Variants in IL1RAPL1 observed in about 807,000 individuals in gnomAD.
IL1RAPL1 encodes interleukin-1 receptor accessory protein-like 1.
In IL1RAPL1, 3 loss-of-function variants were observed where a neutral mutation model predicts 48.4. The observed-to-expected ratio is 0.06, with a 90% CI of 0.03 to 0.16. IL1RAPL1 has a LOEUF of 0.16. IL1RAPL1 is among the 10% of genes least tolerant of loss of function. The pLI, the probability that IL1RAPL1 is intolerant of heterozygous loss-of-function variation, is 1.00. For synonymous variants in IL1RAPL1, 185 were observed against 187.7 expected (o/e 0.99, Z 0.12); for missense variants, 349 against 530.6 (o/e 0.66, Z 3.36).
chrX:29,723,721 G>T (rs1486585579), intron 6 of IL1RAPL1, among the ~76,000 whole-genome samples: 1 of 112,455 alleles, frequency 8.9e-6, no homozygotes, highest in African/African-American at 3.2e-5. Flanking sequence ...CTTCCAACAA[G>T]TGGTAAGTAA....
At chrX:29,947,228 C>CT (rs1273785496) in intron 9 of IL1RAPL1, among the ~76,000 whole-genome samples, 2 of 111,842 alleles carry the variant, frequency 1.8e-5, no homozygotes, top group East Asian at 5.6e-4. Context: ...TGTTAGACTC[C>CT]TTTGCTCCTC....
chrX:29,265,606 T>A, intron 2 of IL1RAPL1, among the ~76,000 whole-genome samples: 1 of 92,383 alleles, frequency 1.1e-5, no homozygotes, highest in Non-Finnish European at 2.2e-5. Flanking sequence ...TATCTCCTAA[T>A]GCTATCCCTC....
intron 3 of IL1RAPL1, among the ~76,000 whole-genome samples, chrX:29,288,380 A>G (rs1364619663): frequency 9.0e-6 from 1 of 111,048 alleles, no homozygotes; most frequent in African/African-American, 3.3e-5. Context: ...CTCATCGTTC[A>G]GTTCCTACTT....
intron 2 of IL1RAPL1, among the ~76,000 whole-genome samples, chrX:29,248,600 C>G (rs185498246): frequency 1.8e-5 from 2 of 111,689 alleles, no homozygotes; most frequent in East Asian, 5.6e-4. Flanking sequence ...ATATATTCAA[C>G]CTCATTTGTA....
chrX:29,421,808 C>T (rs1194782380), intron 5 of IL1RAPL1, among the ~76,000 whole-genome samples: 1 of 111,674 alleles, frequency 9.0e-6, no homozygotes, highest in Non-Finnish European at 1.9e-5. Flanking sequence ...AGTCTGAATT[C>T]GAGTGGTGTG....
intron 2 of IL1RAPL1, among the ~76,000 whole-genome samples, chrX:29,273,266 C>T (rs888283756): frequency 8.0e-5 from 9 of 111,825 alleles, no homozygotes; most frequent in Admixed American, 1.9e-4. Context: ...TGTGGGTTGA[C>T]GTTCCTTCAG....
intron 5 of IL1RAPL1, among the ~76,000 whole-genome samples, chrX:29,412,780 C>G (rs1934161027): frequency 8.9e-6 from 1 of 111,920 alleles, no homozygotes; most frequent in Admixed American, 9.5e-5. Flanking sequence ...GCTCAGTGAC[C>G]TTAACTAAGT....
At chrX:28,852,832 T>A (rs904284864) in intron 2 of IL1RAPL1, among the ~76,000 whole-genome samples, 3 of 110,753 alleles carry the variant, frequency 2.7e-5, no homozygotes, top group Non-Finnish European at 5.7e-5. Flanking sequence ...CTTCAGATAT[T>A]TGCTGTATGA....
At position 29,665,339 on chromosome X, in the gene IL1RAPL1, G is replaced by A. The variant is rs746349497; in HGVS notation, c.704-3091G>A. ...TTAGTCATGGTCTAATGCTAAGAAC[G>A]TTTCTTTTAAAATTGTAATTTGTTT... On this transcript the variant is annotated intron_variant, in intron 5 of 10. Coordinates refer to ENST00000378993, the MANE Select transcript of IL1RAPL1 (RefSeq NM_014271.4). Among the ~76,000 whole-genome samples the A allele has an allele frequency of 4.4e-5, 5 of 112,381 alleles. No homozygotes were observed. In the East Asian group the frequency reaches 8.4e-4, roughly 19 times the overall value.
intron 6 of IL1RAPL1, among the ~76,000 whole-genome samples, chrX:29,695,519 A>G (rs1926883650): frequency 1.8e-5 from 2 of 110,148 alleles, no homozygotes; most frequent in South Asian, 7.9e-4. Flanking sequence ...TCAAGATGTC[A>G]GCATGATCTG....
intron 1 of IL1RAPL1, among the ~76,000 whole-genome samples, chrX:28,686,589 T>C (rs1935114027): frequency 1.8e-5 from 2 of 112,257 alleles, no homozygotes. Flanking sequence ...ATTAATGCTG[T>C]TTGCTATAGC....
chrX:29,815,827 G>C (rs1006447730), intron 6 of IL1RAPL1, among the ~76,000 whole-genome samples: 2 of 111,141 alleles, frequency 1.8e-5, no homozygotes, highest in Non-Finnish European at 3.8e-5. Flanking sequence ...TTCAGCAAAA[G>C]CCTTTTCTGT....
chrX:29,409,360 T>C (rs1934112454), intron 5 of IL1RAPL1, among the ~76,000 whole-genome samples: 1 of 112,106 alleles, frequency 8.9e-6, no homozygotes, highest in Non-Finnish European at 1.9e-5. Flanking sequence ...ATTCACACTT[T>C]TGAATTAAAA....
chrX:28,738,012 A>T (rs4893584), intron 1 of IL1RAPL1, among the ~76,000 whole-genome samples: 1 of 109,960 alleles, frequency 9.1e-6, no homozygotes, highest in Non-Finnish European at 1.9e-5. Flanking sequence ...GAAGGAAAAA[A>T]AAAGGGGAAA....
intron 6 of IL1RAPL1, among the ~76,000 whole-genome samples, chrX:29,752,080 G>GTATATATA (rs757287803): frequency 4.7e-5 from 4 of 85,324 alleles, no homozygotes; most frequent in Admixed American, 1.3e-4. Context: ...ATGTGTGTAT[G>GTATATATA]TATATATATA....
chrX:28,669,627 A>G (rs913703493), intron 1 of IL1RAPL1, among the ~76,000 whole-genome samples: 1 of 103,433 alleles, frequency 9.7e-6, no homozygotes, highest in African/African-American at 3.5e-5. Context: ...CTCAAAAAAT[A>G]TTATATATAT....
intron 2 of IL1RAPL1, among the ~76,000 whole-genome samples, chrX:29,027,349 C>G (rs367646367): frequency 1.8e-5 from 2 of 111,790 alleles, no homozygotes. Flanking sequence ...TATGTTTTTT[C>G]CACGTCTTTT....
chrX:29,918,974 TAC>T (rs1932825821), intron 7 of IL1RAPL1, among the ~76,000 whole-genome samples: 1 of 112,205 alleles, frequency 8.9e-6, no homozygotes, highest in Admixed American at 9.5e-5. Flanking sequence ...TCTGGGTATA[TAC>T]AAACATTTTA....
chrX:29,896,441 T>A (rs182140507), intron 6 of IL1RAPL1, among the ~76,000 whole-genome samples: 2 of 112,427 alleles, frequency 1.8e-5, no homozygotes, highest in African/African-American at 6.5e-5. Flanking sequence ...GTATTATATA[T>A]GTATCCTATT....
Sources: allele counts gnomAD v4.1 joint callset (sites outside exome capture counted in the v4.1 genomes callset), GRCh38; gene constraint gnomAD v4.1.1; transcripts MANE v1.5; gene names NCBI Gene and HGNC (gene_info 2026-07-23, HGNC 2026-07-21).